The following COBL variants were observed in gnomAD, a reference collection of about 807,000 sequenced individuals.
COBL encodes protein cordon-bleu.
COBL carries 51 observed loss-of-function variants against 98.8 expected under a neutral mutation model. The observed-to-expected ratio is 0.52, with a 90% confidence interval of 0.41 to 0.65. The LOEUF is 0.65. Among genes scored for constraint, COBL ranks in the 30% least tolerant of loss-of-function variants. The pLI is 0.00. For missense variants in COBL, 1,617 were observed against 1,617.5 expected (o/e 1.00, Z 0.01); for synonymous variants, 634 against 651.7 (o/e 0.97, Z 0.41).
chr7:51,111,120 C>T (rs1464738530), intron 6 of COBL, among the ~76,000 whole-genome samples: 8 of 152,172 alleles, frequency 5.3e-5, no homozygotes, highest in African/African-American at 1.9e-4. Flanking sequence ...CATATCTTGA[C>T]TACTGTGAAT....
At chr7:51,237,565 A>G (rs1795384331) in intron 1 of COBL, among the ~76,000 whole-genome samples, 2 of 151,276 alleles carry the variant, frequency 1.3e-5, no homozygotes, top group African/African-American at 2.4e-5. Flanking sequence ...AACTTCCAAA[A>G]TAGGAGAGGG....
At position 51,025,101 on chromosome 7, in the gene COBL, G is replaced by C. The variant is rs200049073; in HGVS notation, c.3768+8C>G. 6.2e-7 allele frequency: 1 copy of C among 1,611,914 alleles called. No homozygotes were observed. Among genetic ancestry groups the C allele is most frequent in the African/African-American group, 1.3e-5 (1 of 74,966 alleles). ...CCCATTGAAATGCGCACACACAGTC[G>C]CCATCACCTTTCTCAGTCTCGCAGC... On this transcript the variant is annotated splice_region_variant and intron_variant, in intron 12 of 12. Transcript: ENST00000265136.
chr7:51,161,391 A>C (rs1478595172), intron 5 of COBL, among the ~76,000 whole-genome samples: 1 of 152,140 alleles, frequency 6.6e-6, no homozygotes, highest in Non-Finnish European at 1.5e-5. Context: ...TTTTTCTGAA[A>C]ATTTTATTTT....
intron 6 of COBL, among the ~76,000 whole-genome samples, chr7:51,096,403 C>T (rs1404588750): frequency 6.6e-6 from 1 of 151,870 alleles, no homozygotes; most frequent in Non-Finnish European, 1.5e-5. Context: ...TAATAAACAC[C>T]CATATGAAAA....
chr7:51,134,154 G>A (rs183103046), intron 6 of COBL, among the ~76,000 whole-genome samples: 3 of 152,214 alleles, frequency 2.0e-5, no homozygotes, highest in Admixed American at 6.5e-5. Context: ...CCCCAACAAC[G>A]ACGACAATAC....
rs114909186 is a variant in COBL at position 51,236,439 on chromosome 7, C to G, written c.42-16495G>C. ...CACGGGGAGGAGGCTTGGGGCTCAGCAGGAGGGTACACCCATTCACTCCTG... is the reference window on the plus strand; with the variant it reads ...CACGGGGAGGAGGCTTGGGGCTCAGGAGGAGGGTACACCCATTCACTCCTG... On this transcript the variant is annotated intron_variant, in intron 1 of 12. Transcript: ENST00000265136. 1.6e-3 allele frequency among the ~76,000 whole-genome samples: 236 copies of G among 152,242 alleles called. 2 individuals carry two copies. The highest frequency in any genetic ancestry group is 5.5e-3 in the African/African-American group (230 of 41,534).
chr7:51,165,948 A>G (rs1787279232), intron 5 of COBL, among the ~76,000 whole-genome samples: 1 of 151,982 alleles, frequency 6.6e-6, no homozygotes, highest in African/African-American at 2.4e-5. Flanking sequence ...ACCAAAACCT[A>G]TGGGATACAG....
At chr7:51,244,351 G>A (rs940943175) in intron 1 of COBL, among the ~76,000 whole-genome samples, 1 of 152,176 alleles carries the variant, frequency 6.6e-6, no homozygotes, top group African/African-American at 2.4e-5. Flanking sequence ...CATCCACCAA[G>A]GCATAAACAG....
Position 51,025,210 on chromosome 7 carries a change from C to T in COBL, c.3667G>A (p.Ala1223Thr). The T allele has an allele frequency of 6.2e-7, 1 of 1,602,086 alleles. No homozygotes were observed. The part of the protein sequence containing the change: ...PSQALSAPRT[A>T]SRFSTGTLSN... ...AGGGTGCCCGTGCTGAACCTGGAGG[C>T]CGTCCTTGGTGCAGAGAGAGCCTGG... The change falls in exon 12 of 13, where the codon GCC becomes ACC. Residue 1223 changes from alanine to threonine, a missense_variant. By Grantham distance (58) the Ala-to-Thr change is moderately conservative. Transcript: ENST00000265136.
intron 5 of COBL, among the ~76,000 whole-genome samples, chr7:51,150,477 G>A (rs1042245142): frequency 2.0e-5 from 3 of 152,096 alleles, no homozygotes; most frequent in Admixed American, 6.6e-5. Flanking sequence ...CAGAGCTGCC[G>A]TGAATCATCA....
chr7:51,309,716 C>T (rs1032121154), intron 1 of COBL, among the ~76,000 whole-genome samples: 5 of 152,192 alleles, frequency 3.3e-5, no homozygotes, highest in Non-Finnish European at 7.3e-5. Context: ...TAACTCCCTC[C>T]ACCAGCAAGA....
chr7:51,220,148 G>A (rs976738381), intron 1 of COBL, among the ~76,000 whole-genome samples: 9 of 152,132 alleles, frequency 5.9e-5, no homozygotes, highest in African/African-American at 1.9e-4. Context: ...AAGCATTCCC[G>A]GAAAGAAACA....
chr7:51,036,780 A>G (rs144313457), intron 8 of COBL, among the ~76,000 whole-genome samples: 5 of 152,296 alleles, frequency 3.3e-5, no homozygotes, highest in African/African-American at 9.6e-5. Context: ...GTGGCTCTGC[A>G]TATGATTTCA....
chr7:51,296,583 G>C (rs1801436530), intron 1 of COBL, among the ~76,000 whole-genome samples: 1 of 151,706 alleles, frequency 6.6e-6, no homozygotes, highest in South Asian at 2.1e-4. Flanking sequence ...TTTTTTGGGG[G>C]GCAAATAATA....
intron 5 of COBL, among the ~76,000 whole-genome samples, chr7:51,178,916 CT>C (rs1788671532): frequency 6.6e-6 from 1 of 152,004 alleles, no homozygotes; most frequent in Admixed American, 6.6e-5. Context: ...GCCAAGTCTC[CT>C]CTTAATCAAA....
chr7:51,211,081 C>T (rs1256801752), intron 2 of COBL, among the ~76,000 whole-genome samples: 1 of 152,214 alleles, frequency 6.6e-6, no homozygotes, highest in Non-Finnish European at 1.5e-5. Context: ...AAGTGCATCC[C>T]TCCACAAGAC....
chr7:51,067,856 C>CT (rs2128919603), intron 7 of COBL, among the ~76,000 whole-genome samples: 1 of 152,322 alleles, frequency 6.6e-6, no homozygotes, highest in African/African-American at 2.4e-5. Flanking sequence ...ATCAGGGTTC[C>CT]CCCTGGTGGC....
chr7:51,071,248 A>C (rs1792520579), intron 7 of COBL: 1 of 152,260 alleles, frequency 6.6e-6, no homozygotes, highest in African/African-American at 2.4e-5. Context: ...AAGCTGAGTC[A>C]GAAATGAGAA....
At position 51,029,284 on chromosome 7, in the gene COBL, G is replaced by A. The variant is rs1787922775; in HGVS notation, c.1812C>T (p.Ser604=). Residue 604 remains serine (S), a synonymous_variant, in exon 10 of 13, where the codon TCC becomes TCT. Coordinates refer to ENST00000265136, the MANE Select transcript of COBL (RefSeq NM_015198.5). Reference sequence around the variant, plus strand: ...CACGGATTCCTTTTCCGACGTCATGGGAAGCGGGGTGCAGGGCAGGTACTT... The same window carrying A: ...CACGGATTCCTTTTCCGACGTCATGAGAAGCGGGGTGCAGGGCAGGTACTT... ...REEVPALHPA[S]HDVGKGIRVA... 1.9e-6 allele frequency: 3 copies of A among 1,606,224 alleles called. No individual in the cohort carries two copies. Among genetic ancestry groups the A allele is most frequent in the Non-Finnish European group, 2.6e-6 (3 of 1,175,472 alleles).
Sources: gnomAD v4.1 joint callset for allele counts (sites outside exome capture counted in the v4.1 genomes callset) on GRCh38, gnomAD v4.1.1 for gene constraint, MANE v1.5 for transcripts, NCBI Gene and HGNC (gene_info 2026-07-23, HGNC 2026-07-21) for gene names.